SMARCA4: variants seen among roughly 807,000 people sequenced by gnomAD.
SMARCA4 encodes SWI/SNF-related matrix-associated actin-dependent regulator of chromatin subfamily A member 4.
SMARCA4 carries 31 observed loss-of-function variants against 193.9 expected under a neutral mutation model. The ratio of observed to expected loss-of-function variants is 0.16; its 90% CI spans 0.12 to 0.22. The LOEUF is 0.22. Among genes scored for constraint, SMARCA4 ranks in the 10% least tolerant of loss-of-function variants. The pLI, the probability that SMARCA4 is intolerant of heterozygous loss-of-function variation, is 1.00. For missense variants in SMARCA4, 1,148 were observed against 2,296.0 expected (o/e 0.50, Z 10.22); for synonymous variants, 942 against 933.1 (o/e 1.01, Z -0.17).
intron 13 of SMARCA4, among the ~76,000 whole-genome samples, chr19:11,004,341 C>T (rs1033143016): frequency 5.9e-5 from 9 of 152,080 alleles, no homozygotes; most frequent in South Asian, 2.1e-4. Context: ...CTCCGCCTCC[C>T]GGGTTCAAGT....
At chr19:10,962,628 C>T (rs1291027211) in intron 1 of SMARCA4, among the ~76,000 whole-genome samples, 2 of 152,110 alleles carry the variant, frequency 1.3e-5, no homozygotes, top group African/African-American at 2.4e-5. Context: ...CTGTAACCTC[C>T]GCCTCCTGGG....
chr19:10,966,879 C>T (rs2084264751), intron 1 of SMARCA4, among the ~76,000 whole-genome samples: 1 of 137,440 alleles, frequency 7.3e-6, no homozygotes, highest in African/African-American at 2.8e-5. Context: ...CAGAGCAAGA[C>T]TACGTCTCTA....
chr19:10,987,720 C>T lies in SMARCA4; in HGVS notation c.914C>T (p.Pro305Leu), dbSNP rs138097741. The T allele has an allele frequency of 6.1e-5, 98 of 1,610,198 alleles. No homozygotes were observed. Among genetic ancestry groups the T allele is most frequent in the Admixed American group, 4.2e-4 (25 of 59,878 alleles). ...PTSTPQKLIP[P>L]QPTGRPSPAP... ...AGCACCCCTCAGAAGCTGATTCCCC[C>T]GCAGCCAACGGGCCGCCCTTCCCCC... The change falls in exon 6 of 35, where the codon CCG becomes CTG. Residue 305 changes from proline to leucine, a missense_variant. Physicochemically the swap from Pro to Leu is moderately conservative, Grantham distance 98. Around this residue, in one of 17 missense-constraint regions of SMARCA4, gnomAD observed 257 missense variants for 276.5 expected, o/e 0.93. Transcript: ENST00000344626. The surrounding 1 kb of genome is among the most constrained non-coding windows in gnomAD (Gnocchi z 5.3).
At chr19:11,018,449 G>A (rs543374216) in intron 16 of SMARCA4, 11 of 276,366 alleles carry the variant, frequency 4.0e-5, no homozygotes, top group Non-Finnish European at 6.5e-5. Context: ...CTGTCCTCCC[G>A]CCTGCCACCT....
At chr19:11,039,610 C>T (rs920952387) in intron 29 of SMARCA4, 5 of 944,492 alleles carry the variant, frequency 5.3e-6, no homozygotes, top group Non-Finnish European at 8.0e-6. Flanking sequence ...TGGGGACGTG[C>T]CTAATGCCCC....
At chr19:11,060,411 G>C (rs777724831) in intron 34 of SMARCA4, 4 of 622,336 alleles carry the variant, frequency 6.4e-6, no homozygotes, top group African/African-American at 1.8e-5. Context: ...CTCAGTACCC[G>C]TGGGTGTCTG....
rs749612345 is a variant in SMARCA4 at position 11,019,060 on chromosome 19, G to A, written c.2505+37G>A. 1.5e-5 allele frequency: 23 copies of A among 1,522,026 alleles called. No homozygotes were observed. Among genetic ancestry groups the A allele is most frequent in the East Asian group, 4.5e-5 (2 of 44,462 alleles). 94.3% of individuals were successfully genotyped at this position (1,522,026 alleles called of 1,614,324 possible). A position where few individuals can be genotyped will look rare whatever the true frequency, so the allele number is the denominator to read the frequency against. On this transcript the variant is annotated intron_variant, in intron 17 of 34. Transcript: ENST00000344626. This position sits in a 1 kb window ranked among gnomAD's most constrained non-coding sequence, Gnocchi z 6.1. ...CCACTGAGGTTTCCTCTCTTGCTACGGAGGTGCAGGCGGTGGTGGGCAGGA... is the reference window on the plus strand; with the variant it reads ...CCACTGAGGTTTCCTCTCTTGCTACAGAGGTGCAGGCGGTGGTGGGCAGGA...
intron 1 of SMARCA4, among the ~76,000 whole-genome samples, chr19:10,971,774 CTTTTTTTTT>C (rs35918034): frequency 7.8e-6 from 1 of 128,440 alleles, no homozygotes; most frequent in African/African-American, 2.9e-5. Context: ...ACCCTGAATA[CTTTTTTTTT>C]TTTTTTTTGG....
chr19:11,022,358 CTT>C (rs1487238671), intron 19 of SMARCA4, among the ~76,000 whole-genome samples: 1 of 152,214 alleles, frequency 6.6e-6, no homozygotes, highest in Non-Finnish European at 1.5e-5. Context: ...GGGAAGGAAA[CTT>C]GGAAGATTCC....
chr19:10,966,543 G>C (rs1302420205), intron 1 of SMARCA4, among the ~76,000 whole-genome samples: 1 of 151,986 alleles, frequency 6.6e-6, no homozygotes, highest in Non-Finnish European at 1.5e-5. Context: ...AGCTGTGATC[G>C]CACCACTGCA....
intron 1 of SMARCA4, among the ~76,000 whole-genome samples, chr19:10,974,047 C>T (rs994106215): frequency 7.2e-5 from 11 of 152,150 alleles, no homozygotes; most frequent in Non-Finnish European, 1.5e-4. Flanking sequence ...CAAATTTCCC[C>T]AAGCCCCAAA....
intron 14 of SMARCA4, 108 bp downstream of exon 14, chr19:11,008,131 C>T (rs2146199126): frequency 8.8e-7 from 1 of 1,139,232 alleles, no homozygotes; most frequent in Non-Finnish European, 1.3e-6. Flanking sequence ...CACTGTCCAG[C>T]CAGCTGCTAC....
chr19:11,045,695 GT>G (rs894573444), intron 30 of SMARCA4, among the ~76,000 whole-genome samples: 1 of 151,122 alleles, frequency 6.6e-6, no homozygotes, highest in African/African-American at 2.4e-5. Flanking sequence ...GTCATATTTA[GT>G]TGTATATCAT....
intron 1 of SMARCA4, among the ~76,000 whole-genome samples, chr19:10,968,152 G>A (rs2084385567): frequency 6.6e-6 from 1 of 152,060 alleles, no homozygotes; most frequent in Non-Finnish European, 1.5e-5. Context: ...CGCCCGGCCA[G>A]TAATTTTGTA....
At chr19:10,978,780 A>ATATATATATATATAT (rs1555746925) in intron 1 of SMARCA4, among the ~76,000 whole-genome samples, 4 of 148,152 alleles carry the variant, frequency 2.7e-5, no homozygotes, top group African/African-American at 9.8e-5. Flanking sequence ...AAATACAAAA[A>ATATATATATATATAT]ATATATATAT....
Position 11,041,038 on chromosome 19 carries a change from C to T in SMARCA4, c.4171-269C>T, listed in dbSNP as rs1183211751. On this transcript the variant is annotated intron_variant, in intron 29 of 34. Coordinates refer to ENST00000344626, the MANE Select transcript of SMARCA4 (RefSeq NM_003072.5). This position sits in a 1 kb window ranked among gnomAD's most constrained non-coding sequence, Gnocchi z 5.6. Reference sequence around the variant, plus strand: ...TCTTTTCTGTACAGAGAAGATAGTTCTTTTTTTTTGGTCAAGAAATTCAAC... The same window carrying T: ...TCTTTTCTGTACAGAGAAGATAGTTTTTTTTTTTTGGTCAAGAAATTCAAC... The T allele has an allele frequency of 2.0e-6, 1 of 488,264 alleles. No homozygotes were observed. Among genetic ancestry groups the T allele is most frequent in the Non-Finnish European group, 3.6e-6 (1 of 274,980 alleles). 30.2% of individuals were successfully genotyped at this position (488,264 alleles called of 1,614,324 possible).
At chr19:10,962,583 C>G (rs2083895189) in intron 1 of SMARCA4, among the ~76,000 whole-genome samples, 1 of 152,168 alleles carries the variant, frequency 6.6e-6, no homozygotes, top group South Asian at 2.1e-4. Flanking sequence ...TTGCCTGTCG[C>G]CCAGGCTGGA....
At chr19:11,025,663 A>G (rs562856195) in intron 22 of SMARCA4, 155 bp downstream of exon 22, 2 of 668,688 alleles carry the variant, frequency 3.0e-6, no homozygotes, top group South Asian at 3.0e-5. Context: ...TCGCTTCACC[A>G]GTGCTTACGG....
Position 10,985,601 on chromosome 19 carries a change from C to T in SMARCA4, c.355+196C>T, listed in dbSNP as rs970848537. Among the ~76,000 whole-genome samples, 1 of 152,158 alleles carries T rather than the reference C, an allele frequency of 6.6e-6. No homozygotes were observed. The highest frequency in any genetic ancestry group is 2.4e-5 in the African/African-American group (1 of 41,436). ...TCTGGCCACCTCGTCTCGGAGCAGCCCTGGAAGGGGAAATGCTGGTTGGGG... is the reference window on the plus strand; with the variant it reads ...TCTGGCCACCTCGTCTCGGAGCAGCTCTGGAAGGGGAAATGCTGGTTGGGG... On this transcript the variant is annotated intron_variant, in intron 3 of 34. Transcript: ENST00000344626. The surrounding 1 kb of genome is among the most constrained non-coding windows in gnomAD (Gnocchi z 4.5).
Sources: allele counts gnomAD v4.1 joint callset (sites outside exome capture counted in the v4.1 genomes callset), GRCh38; gene constraint gnomAD v4.1.1; regional missense constraint gnomAD v4.1.1; non-coding constraint Gnocchi (gnomAD v3.1); transcripts MANE v1.5; gene names NCBI Gene and HGNC (gene_info 2026-07-23, HGNC 2026-07-21).